Variants in DNAJC13 observed in about 807,000 individuals in gnomAD.
The protein encoded by DNAJC13 is DnaJ heat shock protein family (Hsp40) member C13.
A neutral mutation model predicts 290.5 loss-of-function variants in DNAJC13; 75 were observed. The ratio of observed to expected loss-of-function variants is 0.26; its 90% CI spans 0.21 to 0.31. DNAJC13 has a LOEUF of 0.31. DNAJC13 is among the 10% of genes least tolerant of loss of function. DNAJC13 has a pLI of 1.00. For synonymous variants in DNAJC13, 862 were observed against 892.0 expected (o/e 0.97, Z 0.60); for missense variants, 2,260 against 2,674.5 (o/e 0.85, Z 3.42).
chr3:132,457,536 GT>G (rs1933652786), intron 13 of DNAJC13, 168 bp downstream of exon 13: 15 of 569,298 alleles, frequency 2.6e-5, no homozygotes, highest in Non-Finnish European at 4.3e-5. Context: ...ACCAGGCAAT[GT>G]GCTGTGTGCC....
intron 20 of DNAJC13, among the ~76,000 whole-genome samples, chr3:132,469,815 T>C (rs1421780283): frequency 6.6e-6 from 1 of 151,750 alleles, no homozygotes; most frequent in Admixed American, 6.6e-5. Context: ...TTCTATGTCG[T>C]CTAGTCTGGG....
chr3:132,516,972 T>G (rs771766363), intron 48 of DNAJC13, among the ~76,000 whole-genome samples, 156 bp downstream of exon 48: 1 of 152,250 alleles, frequency 6.6e-6, no homozygotes, highest in Admixed American at 6.5e-5. Context: ...ATTGTTCCTA[T>G]GTATTACTGT....
rs752500633 is a variant in DNAJC13 at position 132,456,324 on chromosome 3, A to T, written c.1022A>T (p.Gln341Leu). The stretch of plus-strand genomic sequence containing the variant: ...AAAATGACACCAACCCATAAAGGTC[A>T]GCGATGGGGGTTACTCAGCATGCCT... Reference protein sequence around the residue: ...CVKMTPTHKGQRWGLLSMPVD... With the variant: ...CVKMTPTHKGLRWGLLSMPVD... Residue 341 changes from glutamine to leucine, a missense_variant, in exon 10 of 56, where the codon CAG becomes CTG. Physicochemically the swap from Gln to Leu is moderately radical, Grantham distance 113. Transcript: ENST00000260818. 3.1e-6 allele frequency: 5 copies of T among 1,614,050 alleles called. No individual in the cohort carries two copies. In the Admixed American group the frequency reaches 8.3e-5, roughly 27 times the overall value.
rs1934791229 is a variant in DNAJC13 at position 132,484,604 on chromosome 3, A to G, written c.3199A>G (p.Ile1067Val). 2.9e-5 allele frequency: 47 copies of G among 1,614,130 alleles called. No homozygotes were observed. Among genetic ancestry groups the G allele is most frequent in the Non-Finnish European group, 3.9e-5 (46 of 1,179,978 alleles). ...GTTTTCTAGGGATCAAGACAATGCC[A>G]TCATTCGGCCTCTACCCAAAGTGAA... ...YFPSRDQDNA[I>V]IRPLPKVKRL... The change falls in exon 29 of 56, where the codon ATC becomes GTC. Residue 1067 changes from isoleucine (I) to valine (V), a missense_variant. This residue lies in a region of DNAJC13 where 1,494 missense variants were observed against 1,693.7 expected (regional missense o/e 0.88). Transcript: ENST00000260818.
intron 1 of DNAJC13, among the ~76,000 whole-genome samples, chr3:132,427,378 C>G (rs1031918721): frequency 6.6e-6 from 1 of 152,116 alleles, no homozygotes; most frequent in Non-Finnish European, 1.5e-5. Flanking sequence ...CTCAAGCGAT[C>G]TGCCTGCATT....
Position 132,535,169 on chromosome 3 carries a change from C to T in DNAJC13, c.6626-3007C>T, listed in dbSNP as rs115031146. On this transcript the variant is annotated intron_variant, in intron 55 of 55. Transcript: ENST00000260818. ...ATTTTGTTTAGGACATGGGGAAAGA[C>T]AAAGGAGTTAATTACTACTTCAAAG... 4.3e-3 allele frequency among the ~76,000 whole-genome samples: 657 copies of T among 152,294 alleles called. 3 individuals are homozygous for T. Among genetic ancestry groups the T allele is most frequent in the Non-Finnish European group, 5.2e-3 (357 of 68,010 alleles).
intron 22 of DNAJC13, among the ~76,000 whole-genome samples, chr3:132,476,040 C>T (rs151136327): frequency 1.3e-5 from 2 of 152,236 alleles, no homozygotes; most frequent in African/African-American, 4.8e-5. Flanking sequence ...CTCAAGCAAT[C>T]CTTCCACCTT....
rs1553743888 is a variant in DNAJC13 at position 132,450,752 on chromosome 3, C to T, written c.442C>T (p.Leu148Phe). The T allele has an allele frequency of 1.9e-6, 3 of 1,611,520 alleles. No homozygotes were observed. Among genetic ancestry groups the T allele is most frequent in the South Asian group, 2.2e-5 (2 of 91,010 alleles). The change falls in exon 6 of 56, where the codon CTC becomes TTC. Residue 148 changes from leucine to phenylalanine, a missense_variant. Leu to Phe is a conservative substitution (Grantham distance 22). This residue lies in a region of DNAJC13 where 762 missense variants were observed against 964.1 expected (regional missense o/e 0.79). Transcript: ENST00000260818. ...AATTAATCCTGCAACCAACAGAGTACTCTGTTCCTATGACTATAGAAATAT... is the reference window on the plus strand; with the variant it reads ...AATTAATCCTGCAACCAACAGAGTATTCTGTTCCTATGACTATAGAAATAT... ...DQINPATNRV[L>F]CSYDYRNIEG... is the part of the protein sequence containing the mutation.
chr3:132,461,644 GT>G, intron 15 of DNAJC13, among the ~76,000 whole-genome samples: 1 of 152,048 alleles, frequency 6.6e-6, no homozygotes, highest in Non-Finnish European at 1.5e-5. Flanking sequence ...GTTCACTGCT[GT>G]TTTGACACTC....
At position 132,454,160 on chromosome 3, in the gene DNAJC13, A is replaced by ATTT. The variant is rs57786343; in HGVS notation, c.932+14_932+16dup. On this transcript the variant is annotated splice_donor_region_variant and intron_variant, in intron 9 of 55. Coordinates refer to ENST00000260818, the MANE Select transcript of DNAJC13 (RefSeq NM_015268.4). ...CGGAAATATTCTTCAACAGAGAGGTATTTTTTTTTTTTTAAGTTTTTGAAA... is the reference window on the plus strand; with the variant it reads ...CGGAAATATTCTTCAACAGAGAGGTATTTTTTTTTTTTTTTTAAGTTTTTGAAA... 49 of 1,323,678 alleles carry ATTT rather than the reference A, an allele frequency of 3.7e-5. No homozygotes were observed. The African/African-American group carries it at 3.7e-4, about 10-fold the overall frequency. 82.0% of individuals were successfully genotyped at this position (1,323,678 alleles called of 1,614,324 possible). A position where few individuals can be genotyped will look rare whatever the true frequency, so the allele number is the denominator to read the frequency against.
At chr3:132,497,845 C>T (rs180873881) in intron 36 of DNAJC13, among the ~76,000 whole-genome samples, 166 of 151,234 alleles carry the variant, frequency 1.1e-3, no homozygotes, top group Non-Finnish European at 1.5e-3. Context: ...TTTCTTATTA[C>T]GTATGTGTCA....
At chr3:132,522,028 G>A (rs1443432815) in intron 48 of DNAJC13, among the ~76,000 whole-genome samples, 1 of 152,138 alleles carries the variant, frequency 6.6e-6, no homozygotes, top group African/African-American at 2.4e-5. Context: ...AGTTATGGAG[G>A]TTTTATGTTT....
chr3:132,501,952 C>T (rs2107720021), intron 39 of DNAJC13, among the ~76,000 whole-genome samples: 1 of 152,274 alleles, frequency 6.6e-6, no homozygotes, highest in East Asian at 1.9e-4. Flanking sequence ...TATGTCGTTA[C>T]ATTTAAGATC....
rs1040953464 is a variant in DNAJC13, at chr3:132,496,710, A to G, written c.4156+47A>G. The G allele has an allele frequency of 7.1e-6, 11 of 1,544,950 alleles. No individual in the cohort carries two copies. In the Admixed American group the frequency reaches 1.7e-4, roughly 24 times the overall value. On this transcript the variant is annotated intron_variant, in intron 36 of 55. Transcript: ENST00000260818. Reference sequence around the variant, plus strand: ...TTTAATTTATCCTCCAGCTAACCTTATCACAGCTAACCCTATACCATATTA... The same window carrying G: ...TTTAATTTATCCTCCAGCTAACCTTGTCACAGCTAACCCTATACCATATTA...
At chr3:132,518,122 A>C (rs930059251) in intron 48 of DNAJC13, among the ~76,000 whole-genome samples, 3 of 152,136 alleles carry the variant, frequency 2.0e-5, no homozygotes, top group African/African-American at 7.2e-5. Flanking sequence ...GGTTTGTTAC[A>C]TATGTATACA....
At chr3:132,454,478 C>G (rs1481120277) in intron 9 of DNAJC13, among the ~76,000 whole-genome samples, 4 of 151,602 alleles carry the variant, frequency 2.6e-5, no homozygotes, top group Non-Finnish European at 5.9e-5. Flanking sequence ...TGCGCCACCA[C>G]GCCCAGCTAA....
At chr3:132,420,052 A>G (rs950891378) in intron 1 of DNAJC13, among the ~76,000 whole-genome samples, 1 of 152,264 alleles carries the variant, frequency 6.6e-6, no homozygotes, top group Admixed American at 6.5e-5. Context: ...CCACAGAGCA[A>G]AACCACTGGC....
chr3:132,448,961 T>C (rs1356012139), intron 5 of DNAJC13, among the ~76,000 whole-genome samples: 1 of 152,202 alleles, frequency 6.6e-6, no homozygotes, highest in Non-Finnish European at 1.5e-5. Flanking sequence ...GGGAAACAAC[T>C]GCTTTCAAAA....
chr3:132,531,242 T>C, intron 55 of DNAJC13, 145 bp downstream of exon 55: 1 of 651,730 alleles, frequency 1.5e-6, no homozygotes, highest in Non-Finnish European at 2.7e-6. Context: ...GAGCATGTAG[T>C]AGACATATGG....
Sources: allele counts gnomAD v4.1 joint callset (sites outside exome capture counted in the v4.1 genomes callset), GRCh38; gene constraint gnomAD v4.1.1; regional missense constraint gnomAD v4.1.1; transcripts MANE v1.5; gene names NCBI Gene and HGNC (gene_info 2026-07-23, HGNC 2026-07-21).